The following HSD17B7 variants were observed in gnomAD, a reference collection of about 807,000 sequenced individuals.
The protein encoded by HSD17B7 is hydroxysteroid 17-beta dehydrogenase 7, also known as 3-keto-steroid reductase/17-beta-hydroxysteroid dehydrogenase 7.
Under a neutral mutation model 34.1 loss-of-function variants are expected in HSD17B7, and 17 were observed. The observed-to-expected ratio is 0.50, with a 90% CI of 0.34 to 0.75. HSD17B7 has a LOEUF of 0.75. Among genes scored for constraint, HSD17B7 ranks in the 30% least tolerant of loss-of-function variants. The pLI is 0.01. For missense variants in HSD17B7, 296 were observed against 406.6 expected (o/e 0.73, Z 2.34); for synonymous variants, 122 against 154.6 (o/e 0.79, Z 1.56).
At position 162,805,261 on chromosome 1, in the gene HSD17B7, A is replaced by G; in HGVS notation, c.805-133A>G. On this transcript the variant is annotated intron_variant, in intron 7 of 8. Coordinates refer to ENST00000254521, the MANE Select transcript of HSD17B7 (RefSeq NM_016371.4). ...TGGTTCTCAATATATTTGCCAAACC[A>G]TTCACTGATGATATTTGAGAGGATG... The G allele has an allele frequency of 4.5e-6, 6 of 1,332,670 alleles. No individual in the cohort carries two copies. The South Asian group carries it at 1.0e-4, about 22-fold the overall frequency. 82.6% of individuals were successfully genotyped at this position (1,332,670 alleles called of 1,614,324 possible).
intron 1 of HSD17B7, among the ~76,000 whole-genome samples, 157 bp downstream of exon 1, chr1:162,790,992 TGAG>T (rs1013397118): frequency 6.6e-6 from 1 of 150,562 alleles, no homozygotes; most frequent in African/African-American, 2.4e-5. Context: ...GTCGGCCTCT[TGAG>T]GTGCTCAGTA....
chr1:162,812,604 G>A lies in HSD17B7; in HGVS notation c.*184G>A, dbSNP rs2805052. 1,420 of 518,564 alleles carry A rather than the reference G, an allele frequency of 2.7e-3. 18 individuals are homozygous for A. The highest frequency in any genetic ancestry group is 0.025 in the African/African-American group (1,285 of 51,870). The allele number at this position is 518,564 out of a possible 1,614,324, so 32.1% of individuals were successfully genotyped here. A position where few individuals can be genotyped will look rare whatever the true frequency, so the allele number is the denominator to read the frequency against. On this transcript the variant is annotated 3_prime_UTR_variant, in exon 9 of 9. Coordinates refer to ENST00000254521, the MANE Select transcript of HSD17B7 (RefSeq NM_016371.4). ...GAGGTGGGAGGATCTCTTGAGGCTG[G>A]GAGGCAGAGGTTGCAGTGAGCTGAG...
chr1:162,810,556 A>C (rs1377838074), intron 8 of HSD17B7, among the ~76,000 whole-genome samples: 1 of 152,160 alleles, frequency 6.6e-6, no homozygotes, highest in African/African-American at 2.4e-5. Context: ...GGGGTGTTAA[A>C]GTCTCCCATT....
chr1:162,806,624 T>C (rs1055425810), intron 8 of HSD17B7, among the ~76,000 whole-genome samples: 6 of 152,218 alleles, frequency 3.9e-5, no homozygotes, highest in African/African-American at 1.4e-4. Context: ...CCATGAATAT[T>C]TTTTAAAGCA....
chr1:162,799,871 C>G lies in HSD17B7; in HGVS notation c.576C>G (p.Pro192=). 1 of 1,614,040 alleles carries G rather than the reference C, an allele frequency of 6.2e-7. No individual in the cohort carries two copies. The highest frequency in any genetic ancestry group is 8.5e-7 in the Non-Finnish European group (1 of 1,179,952). ...TCCAGCACAGCAAAGGCAAGGAACCCTACAGCTCTTCCAAATATGCCACTG... is the reference window on the plus strand; with the variant it reads ...TCCAGCACAGCAAAGGCAAGGAACCGTACAGCTCTTCCAAATATGCCACTG... ...EDFQHSKGKE[P]YSSSKYATDL... Residue 192 remains proline, a synonymous_variant, in exon 5 of 9, where the codon CCC becomes CCG. Transcript: ENST00000254521.
Position 162,790,813 on chromosome 1 carries a change from GTTTT to G in HSD17B7, c.14_17del (p.Val5GlyfsTer33). ...TGAGTGCGCGAAGATGCGAAAGGTG[GTTTT>G]GATCACCGGGGCTAGCAGGTGAGGC... On this transcript the variant is annotated frameshift_variant, in exon 1 of 9. Coordinates refer to ENST00000254521, the MANE Select transcript of HSD17B7 (RefSeq NM_016371.4). LOFTEE classifies it high-confidence loss of function. 2 of 1,613,700 alleles carry G rather than the reference GTTTT, an allele frequency of 1.2e-6. No individual in the cohort carries two copies. Among genetic ancestry groups the G allele is most frequent in the Non-Finnish European group, 1.7e-6 (2 of 1,179,834 alleles).
chr1:162,804,109 G>A (rs1334542216), intron 6 of HSD17B7, among the ~76,000 whole-genome samples, 158 bp from the exon 7 acceptor site: 2 of 152,214 alleles, frequency 1.3e-5, no homozygotes, highest in Non-Finnish European at 2.9e-5. Context: ...GAATAATGGA[G>A]ATTAAATGAT....
intron 5 of HSD17B7, among the ~76,000 whole-genome samples, chr1:162,801,030 A>C (rs1571003799): frequency 1.3e-5 from 2 of 151,994 alleles, no homozygotes; most frequent in African/African-American, 4.8e-5. Context: ...CCCAGGCTGG[A>C]GTGCGGTGGC....
intron 8 of HSD17B7, among the ~76,000 whole-genome samples, chr1:162,806,238 G>T (rs929290034): frequency 7.9e-5 from 12 of 152,150 alleles, no homozygotes; most frequent in Non-Finnish European, 1.5e-4. Context: ...CCAGCCTGTT[G>T]TGAGGAGGCA....
intron 5 of HSD17B7, among the ~76,000 whole-genome samples, chr1:162,802,102 G>T: frequency 6.6e-6 from 1 of 152,162 alleles, no homozygotes; most frequent in South Asian, 2.1e-4. Context: ...CTGCCTGATA[G>T]ACTTTAATTA....
intron 3 of HSD17B7, 72 bp from the exon 4 acceptor site, chr1:162,797,730 T>C: frequency 6.4e-7 from 1 of 1,557,692 alleles, no homozygotes; most frequent in Non-Finnish European, 8.7e-7. Flanking sequence ...GGGGGATGGG[T>C]TGGAAAGTGT....
At chr1:162,801,636 ATG>A (rs1375073957) in intron 5 of HSD17B7, among the ~76,000 whole-genome samples, 3 of 152,032 alleles carry the variant, frequency 2.0e-5, no homozygotes, top group African/African-American at 7.3e-5. Flanking sequence ...GTGTTTGTGA[ATG>A]TACTTTTTGG....
intron 8 of HSD17B7, among the ~76,000 whole-genome samples, chr1:162,810,545 T>C (rs1042150690): frequency 6.6e-6 from 1 of 152,156 alleles, no homozygotes; most frequent in African/African-American, 2.4e-5. Flanking sequence ...ATGTGGACAG[T>C]GGGGTGTTAA....
intron 1 of HSD17B7, 70 bp from the exon 2 acceptor site, chr1:162,792,589 C>A: frequency 6.5e-7 from 1 of 1,544,670 alleles, no homozygotes; most frequent in East Asian, 2.4e-5. Flanking sequence ...GTTTTCTGAA[C>A]CAGAGAGAAA....
intron 2 of HSD17B7, chr1:162,795,575 T>C (rs1243758700): frequency 2.1e-5 from 9 of 430,804 alleles, no homozygotes; most frequent in Non-Finnish European, 4.2e-5. Context: ...ATCAGCATTT[T>C]AAATGGTCAA....
At chr1:162,802,617 A>G (rs1453404990) in intron 5 of HSD17B7, among the ~76,000 whole-genome samples, 1 of 152,140 alleles carries the variant, frequency 6.6e-6, no homozygotes, top group Non-Finnish European at 1.5e-5. Context: ...CTATTTTTTT[A>G]TTTAAAAGAA....
intron 8 of HSD17B7, among the ~76,000 whole-genome samples, chr1:162,811,024 A>T (rs1461547139): frequency 1.3e-5 from 2 of 152,112 alleles, no homozygotes; most frequent in African/African-American, 4.8e-5. Flanking sequence ...TTGTTAGTTG[A>T]TGCAGTTTCT....
At chr1:162,807,187 T>C (rs1485777620) in intron 8 of HSD17B7, among the ~76,000 whole-genome samples, 3 of 152,170 alleles carry the variant, frequency 2.0e-5, no homozygotes, top group Admixed American at 6.6e-5. Flanking sequence ...AGTGTTATCA[T>C]TGTTCAGTTC....
At chr1:162,801,708 G>A (rs1052604849) in intron 5 of HSD17B7, among the ~76,000 whole-genome samples, 3 of 152,090 alleles carry the variant, frequency 2.0e-5, no homozygotes, top group South Asian at 2.1e-4. Context: ...ACATGTTCTT[G>A]TATTGGCTGT....
Sources: gnomAD v4.1 joint callset for allele counts (sites outside exome capture counted in the v4.1 genomes callset) on GRCh38, gnomAD v4.1.1 for gene constraint, MANE v1.5 for transcripts, NCBI Gene and HGNC (gene_info 2026-07-23, HGNC 2026-07-21) for gene names.